GATAD2B: variants seen among roughly 807,000 people sequenced by gnomAD.
The protein encoded by GATAD2B is GATA zinc finger domain containing 2B.
In GATAD2B, 8 loss-of-function variants were observed where a neutral mutation model predicts 64.3. The observed-to-expected ratio is 0.12, with a 90% CI of 0.07 to 0.22. The LOEUF is 0.22. GATAD2B is among the 10% of genes least tolerant of loss of function. The pLI is 1.00. For missense variants in GATAD2B, 453 were observed against 752.0 expected (o/e 0.60, Z 4.65); for synonymous variants, 281 against 271.3 (o/e 1.04, Z -0.35).
intron 1 of GATAD2B, among the ~76,000 whole-genome samples, chr1:153,887,915 T>A (rs1019244716): frequency 3.9e-5 from 6 of 151,902 alleles, no homozygotes; most frequent in Non-Finnish European, 7.4e-5. Context: ...GGTGAAACCC[T>A]GTCTCTACTA....
At chr1:153,814,004 G>A (rs548385679) in intron 7 of GATAD2B, among the ~76,000 whole-genome samples, 1 of 152,248 alleles carries the variant, frequency 6.6e-6, no homozygotes, top group East Asian at 1.9e-4. Flanking sequence ...AACAAAGGTA[G>A]CTTCTAACTG....
At position 153,915,741 on chromosome 1, in the gene GATAD2B, TAAAAAAA is replaced by T. The variant is rs56236211; in HGVS notation, c.-2+6985_-2+6991del. Reference sequence around the variant, plus strand: ...GCAACAGAGCCAGAACTTGTCTATATAAAAAAAAAAAAAAAAAAAAGAAAAGAAAAAC... The same window carrying T: ...GCAACAGAGCCAGAACTTGTCTATATAAAAAAAAAAAAAGAAAAGAAAAAC... On this transcript the variant is annotated intron_variant, in intron 1 of 10. Coordinates refer to ENST00000368655, the MANE Select transcript of GATAD2B (RefSeq NM_020699.4). Among the ~76,000 whole-genome samples the T allele has an allele frequency of 1.5e-4, 15 of 98,096 alleles. No homozygotes were observed. The South Asian group carries it at 3.1e-3, about 20-fold the overall frequency. The allele number at this position is 98,096 out of a possible 152,430, so 64.4% of individuals were successfully genotyped here. A position where few individuals can be genotyped will look rare whatever the true frequency, so the allele number is the denominator to read the frequency against.
At chr1:153,900,305 G>C in intron 1 of GATAD2B, among the ~76,000 whole-genome samples, 1 of 151,826 alleles carries the variant, frequency 6.6e-6, no homozygotes, top group East Asian at 1.9e-4. Flanking sequence ...TGTAATCCCA[G>C]CTACTCAGGA....
In GATAD2B at chr1:153,816,442, C is replaced by T; in HGVS notation, c.1047G>A (p.Gln349=). 1 of 1,614,230 alleles carries T rather than the reference C, an allele frequency of 6.2e-7. No individual in the cohort carries two copies. Among genetic ancestry groups the T allele is most frequent in the Non-Finnish European group, 8.5e-7 (1 of 1,180,038 alleles). ...PSAMTDAANS[Q]AAAKLALRKQ... is the part of the protein sequence containing the mutation. The stretch of plus-strand genomic sequence containing the variant: ...TGCGAAGAGCCAATTTGGCTGCAGC[C>T]TGTGAGTTGGCAGCATCAGTCATGG... Residue 349 remains glutamine, a synonymous_variant, in exon 7 of 11, where the codon CAG becomes CAA. Coordinates refer to ENST00000368655, the MANE Select transcript of GATAD2B (RefSeq NM_020699.4). This position sits in a 1 kb window ranked among gnomAD's most constrained non-coding sequence, Gnocchi z 4.9.
chr1:153,871,112 G>T (rs1389747336), intron 1 of GATAD2B, among the ~76,000 whole-genome samples: 2 of 152,088 alleles, frequency 1.3e-5, no homozygotes, highest in African/African-American at 4.8e-5. Context: ...TGTTGCCCAG[G>T]CTGGAGTGCA....
intron 5 of GATAD2B, 32 bp downstream of exon 5, chr1:153,818,007 TC>T (rs1557782414): frequency 6.4e-7 from 1 of 1,552,390 alleles, no homozygotes; most frequent in Non-Finnish European, 8.7e-7. Flanking sequence ...GACACGGCCC[TC>T]CAACACTAAG....
chr1:153,908,602 G>A (rs1678020155), intron 1 of GATAD2B, among the ~76,000 whole-genome samples: 1 of 150,074 alleles, frequency 6.7e-6, no homozygotes, highest in Non-Finnish European at 1.5e-5. Context: ...CCCAGTAGCT[G>A]GGATTAGAAG....
At chr1:153,874,434 C>T (rs1381124168) in intron 1 of GATAD2B, among the ~76,000 whole-genome samples, 1 of 152,154 alleles carries the variant, frequency 6.6e-6, no homozygotes, top group Non-Finnish European at 1.5e-5. Context: ...CGGTACTTTC[C>T]TTCACCTAAT....
intron 1 of GATAD2B, among the ~76,000 whole-genome samples, chr1:153,861,876 G>GTATA (rs138235023): frequency 6.9e-6 from 1 of 144,102 alleles, no homozygotes; most frequent in African/African-American, 2.6e-5. Context: ...ATATATATGT[G>GTATA]TATATATATA....
intron 1 of GATAD2B, among the ~76,000 whole-genome samples, chr1:153,921,433 C>T (rs1436822078): frequency 6.6e-6 from 1 of 152,222 alleles, no homozygotes; most frequent in East Asian, 1.9e-4. Flanking sequence ...TTCTCCAACA[C>T]AGATCTGTTA....
chr1:153,827,411 C>T (rs1333640610), intron 2 of GATAD2B: 2 of 152,870 alleles, frequency 1.3e-5, no homozygotes, highest in African/African-American at 4.8e-5. Context: ...AGTACTCAAC[C>T]TTGAAAGACA....
chr1:153,920,157 G>C (rs1372390838), intron 1 of GATAD2B, among the ~76,000 whole-genome samples: 1 of 152,222 alleles, frequency 6.6e-6, no homozygotes, highest in Non-Finnish European at 1.5e-5. Flanking sequence ...GGGGAGGAAA[G>C]GAAGAAGAAT....
intron 1 of GATAD2B, among the ~76,000 whole-genome samples, chr1:153,896,812 G>C (rs1022062422): frequency 6.6e-6 from 1 of 152,130 alleles, no homozygotes; most frequent in Non-Finnish European, 1.5e-5. Context: ...GAGTTCAGGA[G>C]ATCATGCTAT....
At chr1:153,860,035 T>C (rs1570966939) in intron 1 of GATAD2B, among the ~76,000 whole-genome samples, 1 of 148,020 alleles carries the variant, frequency 6.8e-6, no homozygotes, top group Non-Finnish European at 1.5e-5. Context: ...CCTGCCTCAG[T>C]CTCCCAAGTA....
intron 2 of GATAD2B, among the ~76,000 whole-genome samples, chr1:153,825,051 G>A (rs1674822893): frequency 6.6e-6 from 1 of 151,986 alleles, no homozygotes; most frequent in South Asian, 2.1e-4. Flanking sequence ...ATGCCACACT[G>A]CACTCCAGCC....
chr1:153,913,084 G>A (rs1016332040), intron 1 of GATAD2B, among the ~76,000 whole-genome samples: 17 of 151,058 alleles, frequency 1.1e-4, no homozygotes, highest in East Asian at 6.0e-4. Context: ...GTGAGACTCC[G>A]TCTCTAAAAA....
intron 1 of GATAD2B, among the ~76,000 whole-genome samples, chr1:153,893,955 T>TAAAAAAAAAA (rs57287798): frequency 1.5e-5 from 1 of 68,632 alleles, no homozygotes; most frequent in African/African-American, 6.5e-5. Flanking sequence ...AGACTCCATC[T>TAAAAAAAAAA]AAAAAAAAAA....
intron 2 of GATAD2B, among the ~76,000 whole-genome samples, chr1:153,827,360 A>G (rs1211079712): frequency 6.6e-6 from 1 of 152,036 alleles, no homozygotes; most frequent in Admixed American, 6.6e-5. Flanking sequence ...ACCATTGGCC[A>G]GTTCCAGGTA....
intron 3 of GATAD2B, 54 bp downstream of exon 3, chr1:153,819,552 T>G (rs1331887383): frequency 8.1e-7 from 1 of 1,231,682 alleles, no homozygotes. Context: ...CTTGAGGAAT[T>G]AAATAAAATA....
Sources: allele counts gnomAD v4.1 joint callset (sites outside exome capture counted in the v4.1 genomes callset), GRCh38; gene constraint gnomAD v4.1.1; non-coding constraint Gnocchi (gnomAD v3.1); transcripts MANE v1.5; gene names NCBI Gene and HGNC (gene_info 2026-07-23, HGNC 2026-07-21).